Variants in LARGE1 observed in about 807,000 individuals in gnomAD.
LARGE1 encodes the protein LARGE xylosyl- and glucuronyltransferase 1.
Under a neutral mutation model 87.6 loss-of-function variants are expected in LARGE1, and 43 were observed. The ratio of observed to expected loss-of-function variants is 0.49; its 90% CI spans 0.38 to 0.63. The LOEUF (loss-of-function observed/expected upper bound fraction) is 0.63. LARGE1 is among the 30% of genes least tolerant of loss of function. The probability of loss-of-function intolerance (pLI) is 0.00; values close to 1 mark genes in which losing one functional copy is unlikely to be tolerated. For missense variants in LARGE1, 802 were observed against 1,000.2 expected (o/e 0.80, Z 2.67); for synonymous variants, 434 against 394.6 (o/e 1.10, Z -1.18).
At chr22:33,400,027 G>A (rs767497495) in intron 7 of LARGE1, among the ~76,000 whole-genome samples, 4 of 152,192 alleles carry the variant, frequency 2.6e-5, no homozygotes, top group African/African-American at 7.2e-5. Context: ...CAGAAATCAC[G>A]CTCACTTGTC....
At chr22:33,645,819 G>A (rs941870603) in intron 3 of LARGE1, among the ~76,000 whole-genome samples, 10 of 152,180 alleles carry the variant, frequency 6.6e-5, no homozygotes, top group South Asian at 6.2e-4. Flanking sequence ...ACACTTATAC[G>A]GCCAACAAAC....
At chr22:33,679,422 C>A (rs2081678093) in intron 2 of LARGE1, among the ~76,000 whole-genome samples, 2 of 151,828 alleles carry the variant, frequency 1.3e-5, no homozygotes, top group South Asian at 4.2e-4. Flanking sequence ...TCCATTATAA[C>A]CAATGTTCTT....
intron 1 of LARGE1, among the ~76,000 whole-genome samples, chr22:33,766,525 A>G (rs2084905582): frequency 6.6e-6 from 1 of 152,130 alleles, no homozygotes; most frequent in South Asian, 2.1e-4. Flanking sequence ...TCCCGGGTTC[A>G]CGCATTCTCC....
intron 6 of LARGE1, among the ~76,000 whole-genome samples, chr22:33,450,388 G>A (rs1256625260): frequency 2.0e-5 from 3 of 151,278 alleles, no homozygotes; most frequent in Non-Finnish European, 4.4e-5. Context: ...GATCACGTGA[G>A]GTCAGGAGTT....
intron 5 of LARGE1, among the ~76,000 whole-genome samples, chr22:33,603,073 TA>T (rs558191194): frequency 0.12 from 24 of 198 alleles, no homozygotes; most frequent in South Asian, 0.44. Flanking sequence ...TAATCAATTT[TA>T]GGCTCAGAAT....
chr22:33,736,816 G>A (rs1305742236), intron 2 of LARGE1, among the ~76,000 whole-genome samples: 1 of 152,088 alleles, frequency 6.6e-6, no homozygotes, highest in Non-Finnish European at 1.5e-5. Flanking sequence ...TCTTTTTAGA[G>A]GATAGCAATC....
At chr22:33,562,476 C>A (rs185398996) in intron 6 of LARGE1, among the ~76,000 whole-genome samples, 115 of 152,280 alleles carry the variant, frequency 7.6e-4, no homozygotes, top group African/African-American at 2.6e-3. Context: ...TAGAAATAAA[C>A]CAACAAAAGA....
At chr22:33,452,872 T>C (rs1006608098) in intron 6 of LARGE1, among the ~76,000 whole-genome samples, 2 of 146,450 alleles carry the variant, frequency 1.4e-5, no homozygotes, top group East Asian at 1.9e-4. Context: ...AACATGCTCA[T>C]TTCCTTTACT....
intron 1 of LARGE1, among the ~76,000 whole-genome samples, chr22:33,827,960 A>T (rs932573298): frequency 7.9e-5 from 12 of 152,072 alleles, no homozygotes. Context: ...CCATTGTCCT[A>T]TGGAAGACTT....
intron 5 of LARGE1, among the ~76,000 whole-genome samples, chr22:33,567,332 G>A (rs569032303): frequency 5.3e-5 from 8 of 152,178 alleles, no homozygotes; most frequent in Non-Finnish European, 1.2e-4. Context: ...ACTCAAGGGC[G>A]TGGTACACAA....
Position 33,410,236 on chromosome 22 carries a change from C to T in LARGE1, c.892+21925G>A, listed in dbSNP as rs935848668. ...ACTACTGTAAATTTAGTAGACAGCA[C>T]GACGTTGTTATGACGGTCCATAGCT... On this transcript the variant is annotated intron_variant, in intron 7 of 14. Transcript: ENST00000397394. Among the ~76,000 whole-genome samples the T allele has an allele frequency of 5.9e-5, 9 of 152,126 alleles. No individual in the cohort carries two copies. The South Asian group carries it at 6.2e-4, about 11-fold the overall frequency.
At chr22:33,721,373 C>G (rs990083143) in intron 2 of LARGE1, among the ~76,000 whole-genome samples, 1 of 152,136 alleles carries the variant, frequency 6.6e-6, no homozygotes, top group Non-Finnish European at 1.5e-5. Context: ...TGTATTATGA[C>G]GATTAGGTGA....
chr22:33,541,264 C>T (rs57155255), intron 6 of LARGE1, among the ~76,000 whole-genome samples: 13,516 of 150,804 alleles, frequency 0.09, 1,252 homozygotes, highest in African/African-American at 0.24. Context: ...ATTACGGAGC[C>T]GGGGCTGGGA....
intron 1 of LARGE1, among the ~76,000 whole-genome samples, chr22:33,782,908 G>C (rs117847225): frequency 0.074 from 10,784 of 146,166 alleles, 518 homozygotes; most frequent in Admixed American, 0.11. Context: ...AAGAGAGAGA[G>C]AGAGGGAGTG....
At chr22:33,774,418 A>G (rs948897539) in intron 1 of LARGE1, among the ~76,000 whole-genome samples, 4 of 151,850 alleles carry the variant, frequency 2.6e-5, no homozygotes, top group Non-Finnish European at 5.9e-5. Context: ...GTGCAGTGGC[A>G]CGATCTCGGT....
intron 1 of LARGE1, among the ~76,000 whole-genome samples, chr22:33,801,212 A>G (rs2086151003): frequency 6.6e-6 from 1 of 152,208 alleles, no homozygotes; most frequent in Admixed American, 6.5e-5. Context: ...AAGTCCAATT[A>G]AAACTCTTTT....
intron 11 of LARGE1, 71 bp from the exon 12 acceptor site, chr22:33,304,578 G>A (rs1934618786): frequency 2.8e-6 from 4 of 1,451,918 alleles, no homozygotes; most frequent in Non-Finnish European, 3.7e-6. Flanking sequence ...CCTGTTGTGG[G>A]GCTCTGCCTC....
chr22:33,454,289 A>T (rs540691177), intron 6 of LARGE1, among the ~76,000 whole-genome samples: 12 of 151,930 alleles, frequency 7.9e-5, no homozygotes, highest in African/African-American at 2.7e-4. Context: ...ACATTGCTAT[A>T]AAAAAAATGC....
chr22:33,693,262 G>T (rs929877566), intron 2 of LARGE1, among the ~76,000 whole-genome samples: 1 of 152,078 alleles, frequency 6.6e-6, no homozygotes, highest in East Asian at 1.9e-4. Flanking sequence ...AAGCTGGGAG[G>T]GAGTGAGAGC....
Sources: gnomAD v4.1 joint callset for allele counts (sites outside exome capture counted in the v4.1 genomes callset) on GRCh38, gnomAD v4.1.1 for gene constraint, MANE v1.5 for transcripts, NCBI Gene and HGNC (gene_info 2026-07-23, HGNC 2026-07-21) for gene names.